KCNN1: variants seen among roughly 807,000 people sequenced by gnomAD.
KCNN1 encodes small conductance calcium-activated potassium channel protein 1.
A neutral mutation model predicts 44.7 loss-of-function variants in KCNN1; 20 were observed. That is an observed-to-expected ratio of 0.45 (90% confidence interval 0.32 to 0.65). The LOEUF is 0.65. Among genes scored for constraint, KCNN1 ranks in the 30% least tolerant of loss-of-function variants. The pLI is 0.05. For missense variants in KCNN1, 632 were observed against 785.3 expected, an observed-to-expected ratio of 0.80 and a Z score of 2.33; for synonymous variants, 324 against 341.7, an observed-to-expected ratio of 0.95 and a Z score of 0.57.
intron 3 of KCNN1, among the ~76,000 whole-genome samples, chr19:17,979,224 G>A (rs1488470286): frequency 6.6e-6 from 1 of 150,832 alleles, no homozygotes; most frequent in East Asian, 2.0e-4. Context: ...ACGAGGTCAG[G>A]AGATGGAGAC....
At chr19:17,958,788 C>G (rs1017796203) in intron 2 of KCNN1, among the ~76,000 whole-genome samples, 63 of 151,034 alleles carry the variant, frequency 4.2e-4, no homozygotes, top group African/African-American at 1.5e-3. Flanking sequence ...AGTTCTGCCT[C>G]CCAGGTTCAC....
intron 7 of KCNN1, among the ~76,000 whole-genome samples, chr19:17,992,014 A>T (rs1170762893): frequency 1.3e-5 from 2 of 152,218 alleles, no homozygotes; most frequent in Non-Finnish European, 2.9e-5. Context: ...ATTTGCTAAC[A>T]GCCACATTAG....
chr19:17,992,882 G>C (rs938494916), intron 7 of KCNN1, among the ~76,000 whole-genome samples, 172 bp from the exon 8 acceptor site: 3 of 152,220 alleles, frequency 2.0e-5, no homozygotes, highest in African/African-American at 7.2e-5. Context: ...AGAACCCTCA[G>C]AGGCTGGGCA....
At chr19:17,969,996 A>G (rs1363144580) in intron 1 of KCNN1, among the ~76,000 whole-genome samples, 1 of 152,242 alleles carries the variant, frequency 6.6e-6, no homozygotes, top group Non-Finnish European at 1.5e-5. Context: ...CGGAAAGATC[A>G]GGGCCAAGGT....
intron 5 of KCNN1, among the ~76,000 whole-genome samples, chr19:17,986,790 C>A (rs2032613220): frequency 6.6e-6 from 1 of 150,918 alleles, no homozygotes; most frequent in Non-Finnish European, 1.5e-5. Context: ...AGCAACTGCA[C>A]CTGGCCCATG....
chr19:17,976,240 G>A (rs2032200293), intron 3 of KCNN1, among the ~76,000 whole-genome samples: 1 of 151,856 alleles, frequency 6.6e-6, no homozygotes, highest in South Asian at 2.1e-4. Flanking sequence ...CTGGGAGGCA[G>A]AGGTTGCAGT....
At chr19:17,973,676 A>G in intron 1 of KCNN1, 132 bp from the exon 2 acceptor site, 1 of 1,040,660 alleles carries the variant, frequency 9.6e-7, no homozygotes, top group Admixed American at 3.4e-5. Flanking sequence ...TGTTTCTGGG[A>G]TGGTAAACCC....
intron 2 of KCNN1, among the ~76,000 whole-genome samples, chr19:17,958,489 T>TC (rs1205694936): frequency 2.8e-5 from 4 of 144,528 alleles, no homozygotes; most frequent in Non-Finnish European, 6.1e-5. Context: ...TCTTTTTTTT[T>TC]TTTTTTTTTT....
intron 2 of KCNN1, among the ~76,000 whole-genome samples, chr19:17,955,336 A>G (rs1294215605): frequency 2.0e-5 from 3 of 151,526 alleles, no homozygotes; most frequent in Non-Finnish European, 2.9e-5. Flanking sequence ...CAAGGCAGGC[A>G]GATCACCTGA....
intron 2 of KCNN1, among the ~76,000 whole-genome samples, chr19:17,955,969 G>A (rs913712009): frequency 6.6e-6 from 1 of 151,508 alleles, no homozygotes. Flanking sequence ...TGACTCTGTC[G>A]CCCAGGCTGG....
At chr19:17,954,825 G>T (rs2031502286) in intron 2 of KCNN1, 1 of 152,026 alleles carries the variant, frequency 6.6e-6, no homozygotes, top group African/African-American at 2.4e-5. Flanking sequence ...ATCACTTGAG[G>T]TCAGGAGTTT....
rs1310018602 is a variant in KCNN1, at chr19:17,975,197, G to A, written c.498+10G>A. The A allele has an allele frequency of 6.2e-7, 1 of 1,603,600 alleles. No homozygotes were observed. The highest frequency in any genetic ancestry group is 8.5e-7 in the Non-Finnish European group (1 of 1,170,546). ...TGCCCGGGAGATCCAGGTCAGTGCT[G>A]AATACTGCAGGAAGCAGCTCCTCTC... On this transcript the variant is annotated intron_variant, in intron 3 of 9. Coordinates refer to ENST00000684775, the MANE Select transcript of KCNN1 (RefSeq NM_001386974.1).
At position 17,998,010 on chromosome 19, in the gene KCNN1, C is replaced by A; in HGVS notation, c.1378-142C>A. On this transcript the variant is annotated intron_variant, in intron 9 of 9. Transcript: ENST00000684775. The surrounding 1 kb of genome is among the most constrained non-coding windows in gnomAD (Gnocchi z 5.4). ...TCTGGGGCTGGGGGTATCCTCCCAG[C>A]CACCCCTCACACGGGCCCCATTAGT... 2 of 891,228 alleles carry A rather than the reference C, an allele frequency of 2.2e-6. No individual in the cohort carries two copies. Among genetic ancestry groups the A allele is most frequent in the Non-Finnish European group, 3.2e-6 (2 of 620,674 alleles). The allele number at this position is 891,228 out of a possible 1,614,324, so 55.2% of individuals were successfully genotyped here.
intron 3 of KCNN1, among the ~76,000 whole-genome samples, chr19:17,977,966 C>G (rs56294470): frequency 0.037 from 5,659 of 151,950 alleles, 131 homozygotes; most frequent in Middle Eastern, 0.065. Flanking sequence ...TAGTGGTTGC[C>G]GGGGGCTGGG....
At chr19:17,992,997 T>C (rs375827384) in intron 7 of KCNN1, 57 bp from the exon 8 acceptor site, 11 of 1,609,038 alleles carry the variant, frequency 6.8e-6, no homozygotes, top group African/African-American at 1.3e-5. Context: ...GCCGAACAAC[T>C]GTGCTGAGGT....
upstream of KCNN1, among the ~76,000 whole-genome samples, chr19:17,963,064 G>T (rs2031720640): frequency 1.4e-5 from 2 of 142,976 alleles, no homozygotes; most frequent in Non-Finnish European, 3.0e-5. Flanking sequence ...CTGGAGTGCA[G>T]TGGCGCGATC....
At chr19:17,997,001 G>A (rs2033019191) in intron 9 of KCNN1, among the ~76,000 whole-genome samples, 1 of 152,166 alleles carries the variant, frequency 6.6e-6, no homozygotes, top group Non-Finnish European at 1.5e-5. Flanking sequence ...TCAGAGCCGT[G>A]GAGTGATGTT....
chr19:17,973,691 G>T, intron 1 of KCNN1, 117 bp from the exon 2 acceptor site: 1 of 1,231,930 alleles, frequency 8.1e-7, no homozygotes, highest in Non-Finnish European at 1.1e-6. Flanking sequence ...AAACCCACGT[G>T]TCAGCACTCT....
chr19:17,961,434 G>T (rs1402364272), intron 2 of KCNN1, among the ~76,000 whole-genome samples: 2 of 151,744 alleles, frequency 1.3e-5, no homozygotes, highest in African/African-American at 2.4e-5. Flanking sequence ...AAAAAGAAAA[G>T]AAAAAGAAAC....
Sources: allele counts gnomAD v4.1 joint callset (sites outside exome capture counted in the v4.1 genomes callset), GRCh38; gene constraint gnomAD v4.1.1; non-coding constraint Gnocchi (gnomAD v3.1); transcripts MANE v1.5; gene names NCBI Gene and HGNC (gene_info 2026-07-23, HGNC 2026-07-21).